Variants in MST1R observed in about 807,000 individuals in gnomAD.
MST1R encodes the protein macrophage-stimulating protein receptor.
Under a neutral mutation model 117.8 loss-of-function variants are expected in MST1R, and 99 were observed. The ratio of observed to expected loss-of-function variants is 0.84; its 90% confidence interval spans 0.71 to 0.99. The LOEUF (loss-of-function observed/expected upper bound fraction) is 0.99. MST1R is among the 50% of genes least tolerant of loss of function. The pLI is 0.00. For missense variants in MST1R, 1,683 were observed against 1,840.2 expected (o/e 0.91, Z 1.56); for synonymous variants, 734 against 765.3 (o/e 0.96, Z 0.68).
In MST1R at chr3:49,897,601, G is replaced by A. The variant is rs1321214749; in HGVS notation, c.1965C>T (p.Val655=). The part of the protein sequence containing the change: ...LGTQAVGPTN[V]SLTVTNMPPG... ...GTGGCATGTTAGTCACGGTGAGGCT[G>A]ACGTTGGTAGGCCCCACTGCCTGGG... Residue 655 remains valine, a synonymous_variant, in exon 6 of 20, where the codon GTC becomes GTT. Coordinates refer to ENST00000296474, the MANE Select transcript of MST1R (RefSeq NM_002447.4). 1 of 1,614,170 alleles carries A rather than the reference G, an allele frequency of 6.2e-7. No homozygotes were observed. Among genetic ancestry groups the A allele is most frequent in the Admixed American group, 1.7e-5 (1 of 60,030 alleles).
At position 49,903,045 on chromosome 3, in the gene MST1R, CCA is replaced by C; in HGVS notation, c.563_564del (p.Val188GlyfsTer2). The C allele has an allele frequency of 1.2e-6, 2 of 1,611,614 alleles. No homozygotes were observed. Among genetic ancestry groups the C allele is most frequent in the Middle Eastern group, 1.6e-4 (1 of 6,062 alleles). The stretch of plus-strand genomic sequence containing the variant: ...AAATAGGAGGCCTGGCCTTGCTCAA[CCA>C]CAGTTACACGGGTGCCCAATGGGCT... ...VASPLGTRVT[V>X]VEQGQASYFY... On this transcript the variant is annotated frameshift_variant, in exon 1 of 20. Coordinates refer to ENST00000296474, the MANE Select transcript of MST1R (RefSeq NM_002447.4). LOFTEE classifies it high-confidence loss of function.
rs1476833711 is a variant in MST1R, at chr3:49,890,557, G to A, written c.3738C>T (p.His1246=). The change falls in exon 18 of 20, where the codon CAC becomes CAT. Residue 1246 remains histidine (H), a synonymous_variant. Transcript: ENST00000296474. ...CCATCCACTTCACAGGTAGGCGAGC[G>A]TGGCGATGCTGTTGAACACTATAGT... ...REYYSVQQHR[H]ARLPVKWMAL... 1.1e-5 allele frequency: 17 copies of A among 1,614,142 alleles called. No homozygotes were observed. The highest frequency in any genetic ancestry group is 1.7e-5 in the Admixed American group (1 of 60,012).
chr3:49,902,343 T>C (rs776711220), intron 1 of MST1R, 37 bp downstream of exon 1: 2 of 1,593,894 alleles, frequency 1.3e-6, no homozygotes, highest in Non-Finnish European at 1.7e-6. Flanking sequence ...GCCATGTGCA[T>C]GCAGCTCACA....
chr3:49,895,645 G>A, intron 12 of MST1R, 70 bp downstream of exon 12: 1 of 1,611,620 alleles, frequency 6.2e-7, no homozygotes, highest in Admixed American at 1.7e-5. Flanking sequence ...GGCAGAGAGA[G>A]GATGTAGGGA....
chr3:49,898,587 G>A lies in MST1R; in HGVS notation c.1650C>T (p.Asn550=). Residue 550 remains asparagine (N), a synonymous_variant, in exon 4 of 20, where the codon AAC becomes AAT. Coordinates refer to ENST00000296474, the MANE Select transcript of MST1R (RefSeq NM_002447.4). ...WHFMGCGWCG[N]MCGQQKECPG... Reference sequence around the variant, plus strand: ...GACACTCCTTCTGCTGGCCGCACATGTTCCCACACCAGCCACAGCCCATGA... The same window carrying A: ...GACACTCCTTCTGCTGGCCGCACATATTCCCACACCAGCCACAGCCCATGA... The A allele has an allele frequency of 6.2e-7, 1 of 1,614,096 alleles. No individual in the cohort carries two copies. Among genetic ancestry groups the A allele is most frequent in the Admixed American group, 1.7e-5 (1 of 60,028 alleles).
In MST1R at chr3:49,888,791, C is replaced by T. The variant is rs115783971; in HGVS notation, c.3947+1133G>A. 4.0e-3 allele frequency among the ~76,000 whole-genome samples: 605 copies of T among 152,230 alleles called. 2 individuals carry two copies. Among genetic ancestry groups the T allele is most frequent in the African/African-American group, 0.014 (576 of 41,538 alleles). ...ATATCTCATATAATTCTCAGACTCT[C>T]GGAAGGTGGTACTGTTGTCTCCACT... is the stretch of plus-strand genomic sequence containing the variant. On this transcript the variant is annotated intron_variant, in intron 19 of 19. Coordinates refer to ENST00000296474, the MANE Select transcript of MST1R (RefSeq NM_002447.4).
intron 14 of MST1R, among the ~76,000 whole-genome samples, chr3:49,894,140 G>C (rs990299655): frequency 6.6e-6 from 1 of 151,296 alleles, no homozygotes; most frequent in South Asian, 2.1e-4. Context: ...ACTTGAACCC[G>C]GGAGGAGGAG....
In MST1R at chr3:49,897,336, CAG is replaced by C. The variant is rs2082511249; in HGVS notation, c.2125_2126del (p.Leu709ValfsTer14). ...GTCLTLEGQS[L>X]SVGTSRAVLV... ...GCACAGCCCGGCTGGTGCCTACAGA[CAG>C]ACTCTGGCCTTCAAGAGTGAGACAG... On this transcript the variant is annotated frameshift_variant, in exon 7 of 20. Transcript: ENST00000296474. LOFTEE classifies it high-confidence loss of function. 1.9e-6 allele frequency: 3 copies of C among 1,613,764 alleles called. No homozygotes were observed. The highest frequency in any genetic ancestry group is 1.7e-5 in the Admixed American group (1 of 59,972).
At chr3:49,889,573 T>C (rs1386783328) in intron 19 of MST1R, among the ~76,000 whole-genome samples, 1 of 152,006 alleles carries the variant, frequency 6.6e-6, no homozygotes. Context: ...CAGAGGGGGT[T>C]GCTGTGGGGG....
rs747036471 is a variant in MST1R at position 49,903,134 on chromosome 3, G to A, written c.476C>T (p.Ala159Val). ...GTGGGCTGAGAAGAGGCAGGCTGGC[G>A]CTGCCAGATGCACGGCTGTCCCTTG... ...EPQGTAVHLA[A>V]PACLFSAHHN... The change falls in exon 1 of 20, where the codon GCG becomes GTG. Residue 159 changes from alanine to valine, a missense_variant. Transcript: ENST00000296474. The A allele has an allele frequency of 3.1e-6, 5 of 1,603,856 alleles. No individual in the cohort carries two copies. Among genetic ancestry groups the A allele is most frequent in the East Asian group, 4.5e-5 (2 of 44,888 alleles).
chr3:49,893,653 A>C (rs1444781100), intron 14 of MST1R, among the ~76,000 whole-genome samples: 1 of 150,444 alleles, frequency 6.6e-6, no homozygotes, highest in Admixed American at 6.6e-5. Context: ...TAATCCCAGC[A>C]CTTTGGGAGG....
intron 1 of MST1R, 69 bp from the exon 2 acceptor site, chr3:49,899,332 C>G (rs2082592119): frequency 2.1e-5 from 33 of 1,542,490 alleles, no homozygotes; most frequent in Middle Eastern, 2.0e-4. Flanking sequence ...GGGCCTTTGT[C>G]AGTGGCCACA....
rs1559477998 is a variant in MST1R, at chr3:49,897,674, C to CGGGGCACTGGTCT, written c.1881-2_1891dup (p.Arg631GlnfsTer13). The CGGGGCACTGGTCT allele has an allele frequency of 1.2e-6, 2 of 1,612,258 alleles. No individual in the cohort carries two copies. Among genetic ancestry groups the CGGGGCACTGGTCT allele is most frequent in the African/African-American group, 1.3e-5 (1 of 74,922 alleles). On this transcript the variant is annotated frameshift_variant, in exon 6 of 20. Transcript: ENST00000296474. LOFTEE classifies it high-confidence loss of function. ...CTCAAACTCCTCTACAAAGTCTTTC[C>CGGGGCACTGGTCT]GGGGCACTGGTCTGGGGCACCAGGG...
intron 17 of MST1R, 145 bp from the exon 18 acceptor site, chr3:49,890,795 C>A: frequency 1.3e-6 from 1 of 764,804 alleles, no homozygotes; most frequent in Non-Finnish European, 2.0e-6. Flanking sequence ...GCGCGATCTC[C>A]GCTCACTGCA....
At chr3:49,894,058 A>G (rs1038595235) in intron 14 of MST1R, among the ~76,000 whole-genome samples, 1 of 150,254 alleles carries the variant, frequency 6.7e-6, no homozygotes, top group Non-Finnish European at 1.5e-5. Context: ...TACCAAAAAT[A>G]CTAAAAATTA....
In MST1R at chr3:49,903,163, C is replaced by A. The variant is rs534997697; in HGVS notation, c.447G>T (p.Glu149Asp). 1 of 1,604,818 alleles carries A rather than the reference C, an allele frequency of 6.2e-7. No individual in the cohort carries two copies. Among genetic ancestry groups the A allele is most frequent in the Non-Finnish European group, 8.5e-7 (1 of 1,180,002 alleles). ...CCAGATGCACGGCTGTCCCTTGGGG[C>A]TCTAGGTCATGCAGGAAGCAGCGGC... The part of the protein sequence containing the change: ...LQGRCFLHDL[E>D]PQGTAVHLAA... Residue 149 changes from glutamate (E) to aspartate (D), a missense_variant, in exon 1 of 20, where the codon GAG becomes GAT. Glu to Asp is a conservative substitution (Grantham distance 45, BLOSUM62 2). Transcript: ENST00000296474.
intron 1 of MST1R, among the ~76,000 whole-genome samples, chr3:49,899,860 C>T (rs972782185): frequency 3.9e-5 from 6 of 152,094 alleles, no homozygotes; most frequent in Admixed American, 1.3e-4. Context: ...GCATGAGCCA[C>T]GGTGCCTGGC....
At position 49,903,845 on chromosome 3, in the gene MST1R, A is replaced by C. The variant is rs1396063316; in HGVS notation, c.-236T>G. On this transcript the variant is annotated 5_prime_UTR_variant, in exon 1 of 20. Coordinates refer to ENST00000296474, the MANE Select transcript of MST1R (RefSeq NM_002447.4). ...ACGACAGCAACGCCCCAGCCGCCTCACCTGCCGCCCCAGCCGCCGCTGTAC... is the reference window on the plus strand; with the variant it reads ...ACGACAGCAACGCCCCAGCCGCCTCCCCTGCCGCCCCAGCCGCCGCTGTAC... The C allele has an allele frequency of 3.7e-6, 2 of 542,548 alleles. No homozygotes were observed. The highest frequency in any genetic ancestry group is 3.2e-5 in the East Asian group (1 of 30,862). The allele number at this position is 542,548 out of a possible 1,614,324, so 33.6% of individuals were successfully genotyped here. A position where few individuals can be genotyped will look rare whatever the true frequency, so the allele number is the denominator to read the frequency against.
chr3:49,902,282 CACCGCG>C, intron 1 of MST1R, 92 bp downstream of exon 1: 1 of 1,474,924 alleles, frequency 6.8e-7, no homozygotes, highest in Non-Finnish European at 9.1e-7. Flanking sequence ...CCTGCCCCCC[CACCGCG>C]CCCCCAGATC....
Sources: allele counts gnomAD v4.1 joint callset (sites outside exome capture counted in the v4.1 genomes callset), GRCh38; gene constraint gnomAD v4.1.1; transcripts MANE v1.5; gene names NCBI Gene and HGNC (gene_info 2026-07-23, HGNC 2026-07-21).